Variants in HIVEP1 observed in about 807,000 individuals in gnomAD.
HIVEP1 encodes HIVEP zinc finger 1, also known as zinc finger protein 40.
A neutral mutation model predicts 180.0 loss-of-function variants in HIVEP1; 36 were observed. The ratio of observed to expected loss-of-function variants is 0.20; its 90% CI spans 0.15 to 0.26. HIVEP1 has a LOEUF of 0.26. Among genes scored for constraint, HIVEP1 ranks in the 10% least tolerant of loss-of-function variants. The pLI is 1.00. For synonymous variants in HIVEP1, 1,239 were observed against 1,239.0 expected (o/e 1.00, Z 0.00); for missense variants, 3,143 against 3,268.7 (o/e 0.96, Z 0.94).
At chr6:12,037,244 A>C (rs78336525) in intron 2 of HIVEP1, among the ~76,000 whole-genome samples, 7,035 of 152,202 alleles carry the variant, frequency 0.046, 186 homozygotes, top group Middle Eastern at 0.078. Flanking sequence ...TCATCTTTCA[A>C]AGTTCAGTAT....
chr6:12,207,277 A>C, the HIVEP1 span, among the ~76,000 whole-genome samples: 5 of 152,232 alleles, frequency 3.3e-5, no homozygotes, highest in African/African-American at 1.2e-4. Context: ...GTGCCTGCTG[A>C]AGATGGATTT....
the HIVEP1 span, among the ~76,000 whole-genome samples, chr6:12,192,623 G>T: frequency 6.6e-6 from 1 of 151,998 alleles, no homozygotes; most frequent in African/African-American, 2.4e-5. Context: ...TTCCCTCTTT[G>T]CTCTCTCTTC....
In HIVEP1 at chr6:12,125,551, C is replaced by A; in HGVS notation, c.5756C>A (p.Ser1919Tyr). ...IQEQSQQPVT[S>Y]LSLFNIKDTQ... is the part of the protein sequence containing the mutation. ...GAGCAAAGTCAACAGCCAGTCACTT[C>A]TCTTTCATTGTTTAACATCAAGGAC... The change falls in exon 4 of 9, where the codon TCT becomes TAT. Residue 1919 changes from serine to tyrosine, a missense_variant. By Grantham distance (144) the Ser-to-Tyr change is moderately radical. Coordinates refer to ENST00000379388, the MANE Select transcript of HIVEP1 (RefSeq NM_002114.4). 2 of 1,614,174 alleles carry A rather than the reference C, an allele frequency of 1.2e-6. No individual in the cohort carries two copies. Among genetic ancestry groups the A allele is most frequent in the Non-Finnish European group, 1.7e-6 (2 of 1,180,028 alleles).
At chr6:12,142,043 A>G (rs1002610728) in intron 7 of HIVEP1, among the ~76,000 whole-genome samples, 1 of 152,222 alleles carries the variant, frequency 6.6e-6, no homozygotes, top group Non-Finnish European at 1.5e-5. Flanking sequence ...CCTAAGAGAC[A>G]TCTACAGAAC....
chr6:12,182,717 G>T, the HIVEP1 span, among the ~76,000 whole-genome samples: 1 of 152,180 alleles, frequency 6.6e-6, no homozygotes, highest in Non-Finnish European at 1.5e-5. Flanking sequence ...CCTTCTTAAA[G>T]AATAGTGCGT....
intron 3 of HIVEP1, among the ~76,000 whole-genome samples, chr6:12,112,859 G>T (rs993070050): frequency 5.3e-5 from 8 of 152,120 alleles, no homozygotes; most frequent in African/African-American, 1.9e-4. Flanking sequence ...GTGGGATTTT[G>T]GTCTCAGGAC....
chr6:12,089,023 G>A (rs1176018568), intron 2 of HIVEP1, among the ~76,000 whole-genome samples, 161 bp from the exon 3 acceptor site: 1 of 151,988 alleles, frequency 6.6e-6, no homozygotes, highest in African/African-American at 2.4e-5. Flanking sequence ...GAATTTAAAA[G>A]GGAATATATC....
At chr6:12,150,486 C>T (rs1334469510) in intron 7 of HIVEP1, among the ~76,000 whole-genome samples, 1 of 152,180 alleles carries the variant, frequency 6.6e-6, no homozygotes, top group Non-Finnish European at 1.5e-5. Context: ...AAACCTATAT[C>T]ACATTTACTC....
At chr6:12,078,162 A>G (rs1772494265) in intron 2 of HIVEP1, among the ~76,000 whole-genome samples, 2 of 152,194 alleles carry the variant, frequency 1.3e-5, no homozygotes, top group African/African-American at 4.8e-5. Flanking sequence ...ACTCCTAGAG[A>G]AGGGATGTGA....
At chr6:12,181,097 A>T in the HIVEP1 span, among the ~76,000 whole-genome samples, 16 of 152,192 alleles carry the variant, frequency 1.1e-4, no homozygotes, top group Admixed American at 1.0e-3. Flanking sequence ...ACTGTGGCTC[A>T]CGCCTGTAAT....
chr6:12,189,285 C>T, the HIVEP1 span, among the ~76,000 whole-genome samples: 1 of 151,818 alleles, frequency 6.6e-6, no homozygotes, highest in African/African-American at 2.4e-5. Context: ...TAAAAAAACA[C>T]TTTCTAAACA....
In HIVEP1 at chr6:12,128,584, G is replaced by A. The variant is rs560529468; in HGVS notation, c.6076-1175G>A. Among the ~76,000 whole-genome samples, 28 of 152,170 alleles carry A rather than the reference G, an allele frequency of 1.8e-4. 2 individuals are homozygous for A. Among genetic ancestry groups the A allele is most frequent in the African/African-American group, 6.7e-4 (28 of 41,510 alleles). ...TACTTAACACTTGACCTGGGACAAGGAACTTCACCCTGAGAGCGTCCTTCC... is the reference window on the plus strand; with the variant it reads ...TACTTAACACTTGACCTGGGACAAGAAACTTCACCCTGAGAGCGTCCTTCC... On this transcript the variant is annotated intron_variant, in intron 4 of 8. Coordinates refer to ENST00000379388, the MANE Select transcript of HIVEP1 (RefSeq NM_002114.4).
At chr6:12,115,119 A>C (rs1775134968) in intron 3 of HIVEP1, among the ~76,000 whole-genome samples, 1 of 152,148 alleles carries the variant, frequency 6.6e-6, no homozygotes, top group South Asian at 2.1e-4. Flanking sequence ...GCTTTACCAC[A>C]CTTTATTGGC....
intron 5 of HIVEP1, among the ~76,000 whole-genome samples, chr6:12,130,562 T>C (rs75248091): frequency 2.0e-4 from 31 of 152,098 alleles, no homozygotes; most frequent in African/African-American, 7.0e-4. Context: ...CAAAATATAA[T>C]ATTGCAAAAG....
chr6:12,212,027 C>T, the HIVEP1 span, among the ~76,000 whole-genome samples: 1 of 152,174 alleles, frequency 6.6e-6, no homozygotes, highest in Non-Finnish European at 1.5e-5. Context: ...AGACATGCCC[C>T]GTCCGGAGGG....
Position 12,147,784 on chromosome 6 carries a change from G to A in HIVEP1, c.6487+11892G>A, listed in dbSNP as rs186458028. Among the ~76,000 whole-genome samples the A allele has an allele frequency of 1.2e-4, 19 of 152,248 alleles. No homozygotes were observed. In the East Asian group the frequency reaches 2.1e-3, roughly 17 times the overall value. ...AAAGTCTGAAATGATTTTCCCTTGT[G>A]ATATCCCGTTTTTTATGTCTATGTA... On this transcript the variant is annotated intron_variant, in intron 7 of 8. Coordinates refer to ENST00000379388, the MANE Select transcript of HIVEP1 (RefSeq NM_002114.4).
intron 2 of HIVEP1, among the ~76,000 whole-genome samples, chr6:12,085,439 A>G (rs569291761): frequency 1.3e-5 from 2 of 152,246 alleles, no homozygotes; most frequent in Admixed American, 6.5e-5. Flanking sequence ...ACTAGATTAC[A>G]AAGAACCTCG....
At chr6:12,066,411 C>G (rs769601276) in intron 2 of HIVEP1, among the ~76,000 whole-genome samples, 2 of 152,186 alleles carry the variant, frequency 1.3e-5, no homozygotes, top group Non-Finnish European at 2.9e-5. Context: ...ATTTGTCTAA[C>G]TTAGTCTCTT....
chr6:12,124,817 T>C lies in HIVEP1; in HGVS notation c.5022T>C (p.His1674=). ...LPNQPICQTN[H]SVVPISEEQN... is the part of the protein sequence containing the mutation. ...ATCAGCCAATTTGCCAGACTAATCA[T>C]AGTGTAGTGCCAATCAGTGAAGAAC... Residue 1674 remains histidine, a synonymous_variant, in exon 4 of 9, where the codon CAT becomes CAC. Transcript: ENST00000379388. The C allele has an allele frequency of 1.2e-6, 2 of 1,614,150 alleles. No homozygotes were observed. Among genetic ancestry groups the C allele is most frequent in the Non-Finnish European group, 1.7e-6 (2 of 1,180,010 alleles).
Sources: allele counts gnomAD v4.1 joint callset (sites outside exome capture counted in the v4.1 genomes callset), GRCh38; gene constraint gnomAD v4.1.1; transcripts MANE v1.5; gene names NCBI Gene and HGNC (gene_info 2026-07-23, HGNC 2026-07-21).